BICC1: variants seen among roughly 807,000 people sequenced by gnomAD.
BICC1 encodes the protein BicC family RNA binding protein 1, also known as protein bicaudal C homolog 1.
In BICC1, 43 loss-of-function variants were observed where a neutral mutation model predicts 111.0. The observed-to-expected ratio is 0.39, with a 90% CI of 0.30 to 0.50. BICC1 has a LOEUF of 0.50. Ranked by LOEUF, BICC1 falls within the 20% of genes least tolerant of loss-of-function variation. The pLI is 0.88. For missense variants in BICC1, 1,091 were observed against 1,203.2 expected, an observed-to-expected ratio of 0.91 and a Z score of 1.38; for synonymous variants, 467 against 434.4, an observed-to-expected ratio of 1.07 and a Z score of -0.93.
chr10:58,664,726 A>AT (rs1564540554), intron 2 of BICC1, among the ~76,000 whole-genome samples: 2 of 151,136 alleles, frequency 1.3e-5, no homozygotes, highest in East Asian at 1.9e-4. Context: ...GTGTCTTGTA[A>AT]TTTTTTATTG....
At position 58,593,954 on chromosome 10, in the gene BICC1, A is replaced by G. The variant is rs557621632; in HGVS notation, c.191-26901A>G. Among the ~76,000 whole-genome samples, 104 of 152,148 alleles carry G rather than the reference A, an allele frequency of 6.8e-4. 5 individuals carry two copies. In the South Asian group the frequency reaches 0.02, roughly 30 times the overall value. ...AGCTAAAGGAGCATGTTCTAACCCA[A>G]TGCAGGGAAGCTAAGAACCTTTAAA... On this transcript the variant is annotated intron_variant, in intron 1 of 20. Coordinates refer to ENST00000373886, the MANE Select transcript of BICC1 (RefSeq NM_001080512.3).
chr10:58,773,659 C>T (rs1038491850), intron 3 of BICC1, among the ~76,000 whole-genome samples: 2 of 152,168 alleles, frequency 1.3e-5, no homozygotes, highest in Admixed American at 6.5e-5. Flanking sequence ...TTGCTGGGCA[C>T]GAAGCAGGGC....
chr10:58,612,212 T>C (rs921828856), intron 1 of BICC1, among the ~76,000 whole-genome samples: 1 of 152,252 alleles, frequency 6.6e-6, no homozygotes, highest in Admixed American at 6.5e-5. Flanking sequence ...AGAATGAACC[T>C]AATGACTACT....
chr10:58,712,585 A>G (rs1211366496), intron 3 of BICC1, among the ~76,000 whole-genome samples: 1 of 152,198 alleles, frequency 6.6e-6, no homozygotes, highest in African/African-American at 2.4e-5. Flanking sequence ...GCATTATACT[A>G]AGTGAAAGAA....
chr10:58,610,757 A>G (rs1017830537), intron 1 of BICC1, among the ~76,000 whole-genome samples: 1 of 151,948 alleles, frequency 6.6e-6, no homozygotes, highest in Non-Finnish European at 1.5e-5. Context: ...ATGCATATAC[A>G]TTTTTCTTTT....
intron 3 of BICC1, among the ~76,000 whole-genome samples, chr10:58,748,948 C>T (rs1412940830): frequency 2.0e-5 from 3 of 152,156 alleles, no homozygotes; most frequent in Non-Finnish European, 4.4e-5. Flanking sequence ...AGAAGCTTTA[C>T]AGCTCTTTGA....
rs759049123 is a variant in BICC1 at position 58,787,015 on chromosome 10, A to G, written c.480A>G (p.Glu160=). The change falls in exon 5 of 21, where the codon GAA becomes GAG. Residue 160 remains glutamate (E), a synonymous_variant. Coordinates refer to ENST00000373886, the MANE Select transcript of BICC1 (RefSeq NM_001080512.3). ...GCAACAATATTAAAAAAGTGATGGAAGAAACCGGATGCCATATCCACTTTC... is the reference window on the plus strand; with the variant it reads ...GCAACAATATTAAAAAAGTGATGGAGGAAACCGGATGCCATATCCACTTTC... The part of the protein sequence containing the change: ...KGGNNIKKVM[E]ETGCHIHFPD... 4 of 1,609,280 alleles carry G rather than the reference A, an allele frequency of 2.5e-6. No individual in the cohort carries two copies.
rs142018648 is a variant in BICC1 at position 58,514,412 on chromosome 10, C to T, written c.190+1079C>T. ...ACGTTATTTGTGGCTTTATGCATAA[C>T]TTACTTTGACTTTATCAGTCAATGC... On this transcript the variant is annotated intron_variant, in intron 1 of 20. Transcript: ENST00000373886. 2.0e-3 allele frequency among the ~76,000 whole-genome samples: 298 copies of T among 152,298 alleles called. 4 individuals are homozygous for T. The highest frequency in any genetic ancestry group is 6.9e-3 in the African/African-American group (287 of 41,560).
chr10:58,739,764 G>A lies in BICC1; in HGVS notation c.307+37621G>A, dbSNP rs560490580. 2.0e-5 allele frequency among the ~76,000 whole-genome samples: 3 copies of A among 152,092 alleles called. No individual in the cohort carries two copies. The East Asian group carries it at 5.8e-4, about 29-fold the overall frequency. ...ACATATCCCTTCCTCTAGAAAATTG[G>A]TAGTTTTTCCCTCTGTTAGGAAATA... is the stretch of plus-strand genomic sequence containing the variant. On this transcript the variant is annotated intron_variant, in intron 3 of 20. Transcript: ENST00000373886.
chr10:58,725,540 A>T (rs1292188319), intron 3 of BICC1, among the ~76,000 whole-genome samples: 2 of 152,202 alleles, frequency 1.3e-5, no homozygotes, highest in Non-Finnish European at 2.9e-5. Flanking sequence ...ACTGTATTTC[A>T]CCGCTAGAGT....
intron 13 of BICC1, among the ~76,000 whole-genome samples, chr10:58,800,603 A>T (rs1312481532): frequency 6.6e-6 from 1 of 152,226 alleles, no homozygotes; most frequent in African/African-American, 2.4e-5. Context: ...GCATCAACTT[A>T]CTAAATGTTA....
chr10:58,526,453 A>G (rs1204874511), intron 1 of BICC1, among the ~76,000 whole-genome samples: 5 of 151,994 alleles, frequency 3.3e-5, no homozygotes, highest in African/African-American at 9.7e-5. Context: ...GGTTTGTTAC[A>G]TATGTATACA....
intron 13 of BICC1, 106 bp from the exon 14 acceptor site, chr10:58,800,784 C>A: frequency 1.8e-6 from 2 of 1,125,054 alleles, no homozygotes; most frequent in Non-Finnish European, 2.5e-6. Context: ...TCAGGTTAAT[C>A]ATGTCTCCAT....
intron 3 of BICC1, among the ~76,000 whole-genome samples, chr10:58,738,980 T>A (rs1338085017): frequency 6.6e-6 from 1 of 152,008 alleles, no homozygotes; most frequent in Non-Finnish European, 1.5e-5. Context: ...TAAGGAGATT[T>A]GGGGCTGAGA....
rs560251402 is a variant in BICC1, at chr10:58,606,720, A to C, written c.191-14135A>C. 3.9e-5 allele frequency among the ~76,000 whole-genome samples: 6 copies of C among 152,246 alleles called. No homozygotes were observed. The East Asian group carries it at 9.6e-4, about 24-fold the overall frequency. On this transcript the variant is annotated intron_variant, in intron 1 of 20. Coordinates refer to ENST00000373886, the MANE Select transcript of BICC1 (RefSeq NM_001080512.3). ...AGGTTTTAAGATATTTTTATTTCAA[A>C]TGTGAAATTTCAGAAGCATATGCTT...
At chr10:58,665,133 G>A (rs758193416) in intron 2 of BICC1, among the ~76,000 whole-genome samples, 16 of 152,084 alleles carry the variant, frequency 1.1e-4, no homozygotes, top group Admixed American at 7.9e-4. Context: ...AGGGTAAGTG[G>A]GTGGTTTGGT....
intron 17 of BICC1, among the ~76,000 whole-genome samples, chr10:58,812,138 T>G (rs928139868): frequency 2.6e-5 from 4 of 152,118 alleles, no homozygotes; most frequent in Admixed American, 2.6e-4. Flanking sequence ...AGAGTAGAAT[T>G]AAAATGGCCC....
chr10:58,631,271 A>G (rs972427941), intron 2 of BICC1, among the ~76,000 whole-genome samples: 1 of 152,104 alleles, frequency 6.6e-6, no homozygotes, highest in Non-Finnish European at 1.5e-5. Context: ...TTGTTACTCT[A>G]TGCCTCTCTA....
At chr10:58,767,111 A>G (rs1163020049) in intron 3 of BICC1, among the ~76,000 whole-genome samples, 1 of 152,002 alleles carries the variant, frequency 6.6e-6, no homozygotes, top group Non-Finnish European at 1.5e-5. Flanking sequence ...CATGCCCCAC[A>G]TGCTTCCTCC....
Sources: gnomAD v4.1 joint callset for allele counts (sites outside exome capture counted in the v4.1 genomes callset) on GRCh38, gnomAD v4.1.1 for gene constraint, MANE v1.5 for transcripts, NCBI Gene and HGNC (gene_info 2026-07-23, HGNC 2026-07-21) for gene names.